Variants in SLC15A5 observed in about 807,000 individuals in gnomAD.
The protein encoded by SLC15A5 is solute carrier family 15 member 5.
SLC15A5 carries 58 observed loss-of-function variants against 56.1 expected under a neutral mutation model. The ratio of observed to expected loss-of-function variants is 1.03; its 90% CI spans 0.84 to 1.29. The LOEUF (loss-of-function observed/expected upper bound fraction) is 1.29. SLC15A5 is among the 50% of genes most tolerant of loss of function. The probability of loss-of-function intolerance (pLI) is 0.00; values close to 1 mark genes in which losing one functional copy is unlikely to be tolerated. For missense variants in SLC15A5, 681 were observed against 672.1 expected (o/e 1.01, Z -0.15); for synonymous variants, 264 against 250.5 (o/e 1.05, Z -0.51).
intron 5 of SLC15A5, among the ~76,000 whole-genome samples, chr12:16,225,744 C>T (rs894133252): frequency 1.3e-5 from 2 of 152,190 alleles, no homozygotes; most frequent in Admixed American, 6.5e-5. Flanking sequence ...ATCAAAACCA[C>T]AATGAGATAT....
intron 2 of SLC15A5, among the ~76,000 whole-genome samples, chr12:16,263,664 G>T (rs866659242): frequency 1.3e-5 from 2 of 152,158 alleles, no homozygotes; most frequent in African/African-American, 4.8e-5. Flanking sequence ...GGCAAAAATG[G>T]TTTTGTGGGC....
chr12:16,273,267 C>T (rs1208179708), intron 1 of SLC15A5, among the ~76,000 whole-genome samples: 5 of 151,912 alleles, frequency 3.3e-5, no homozygotes, highest in Non-Finnish European at 7.4e-5. Flanking sequence ...GAGGAGAACA[C>T]AGCCTTTTTT....
chr12:16,200,183 A>G (rs1441160553), intron 7 of SLC15A5, among the ~76,000 whole-genome samples: 2 of 150,870 alleles, frequency 1.3e-5, no homozygotes, highest in Non-Finnish European at 3.0e-5. Flanking sequence ...AGCTTAAAAT[A>G]ATAATAATAT....
intron 5 of SLC15A5, 48 bp downstream of exon 5, chr12:16,239,633 T>G (rs1328942619): frequency 6.6e-7 from 1 of 1,504,114 alleles, no homozygotes; most frequent in East Asian, 2.5e-5. Flanking sequence ...GAATGTTGTT[T>G]TAAAAAAGTT....
intron 7 of SLC15A5, among the ~76,000 whole-genome samples, chr12:16,209,496 A>T (rs1565658747): frequency 6.6e-6 from 1 of 152,036 alleles, no homozygotes; most frequent in Non-Finnish European, 1.5e-5. Context: ...TCTAACAAAG[A>T]CCTTTTTTTC....
At chr12:16,253,457 A>C in intron 3 of SLC15A5, among the ~76,000 whole-genome samples, 1 of 152,076 alleles carries the variant, frequency 6.6e-6, no homozygotes. Flanking sequence ...ACCTCAAATA[A>C]CCTGTTTAAA....
At position 16,277,334 on chromosome 12, in the gene SLC15A5, G is replaced by A; in HGVS notation, c.352C>T (p.His118Tyr). ...AGCAGAGGACACTCACCTAGAAAAT[G>A]TAGAAACAAGCAAATGTACACCAGT... ...NKLVYICLFL[H>Y]FLGTALLSVV... is the part of the protein sequence containing the mutation. Residue 118 changes from histidine to tyrosine, a missense_variant, in exon 1 of 9, where the codon CAT (histidine) becomes TAT (tyrosine). His to Tyr is a moderately conservative substitution (Grantham distance 83, BLOSUM62 2). Coordinates refer to ENST00000344941, the MANE Select transcript of SLC15A5 (RefSeq NM_001170798.1). 6.6e-7 allele frequency: 1 copy of A among 1,522,712 alleles called. No individual in the cohort carries two copies. Among genetic ancestry groups the A allele is most frequent in the South Asian group, 1.2e-5 (1 of 81,790 alleles). 94.3% of individuals were successfully genotyped at this position (1,522,712 alleles called of 1,614,324 possible).
At position 16,257,837 on chromosome 12, in the gene SLC15A5, A is replaced by G. The variant is rs761410958; in HGVS notation, c.618T>C (p.Ile206=). The G allele has an allele frequency of 6.6e-7, 1 of 1,509,632 alleles. No individual in the cohort carries two copies. The highest frequency in any genetic ancestry group is 1.4e-5 in the African/African-American group (1 of 71,396). The allele number at this position is 1,509,632 out of a possible 1,614,324, so 93.5% of individuals were successfully genotyped here. A position where few individuals can be genotyped will look rare whatever the true frequency, so the allele number is the denominator to read the frequency against. ...FYWLMNLNAT[I]VFLGISYIQH... ...GGATGTAAGATATTCCCAGAAACAC[A>G]ATAGTTGCATTTAGGTTCATGAGCC... Residue 206 remains isoleucine (I), a synonymous_variant, in exon 3 of 9, where the codon ATT becomes ATC. Coordinates refer to ENST00000344941, the MANE Select transcript of SLC15A5 (RefSeq NM_001170798.1).
intron 7 of SLC15A5, among the ~76,000 whole-genome samples, chr12:16,205,839 T>C (rs1296736609): frequency 6.6e-6 from 1 of 151,952 alleles, no homozygotes; most frequent in Non-Finnish European, 1.5e-5. Context: ...ACTGTTTTAT[T>C]TTGAATGTAA....
rs1270769182 is a variant in SLC15A5, at chr12:16,189,671, T to C, written c.1737A>G (p.Leu579=). The stretch of plus-strand genomic sequence containing the variant: ...ACAGGTAGACTCAAACACAGTTTCA[T>C]AGGGCTGTCTCCCAAAGATCAATAC... ...SSSIDLWETA[L] is the part of the protein sequence containing the mutation. Residue 579 remains leucine (L), a synonymous_variant, in exon 9 of 9, where the codon CTA becomes CTG. Coordinates refer to ENST00000344941, the MANE Select transcript of SLC15A5 (RefSeq NM_001170798.1). 2 of 1,501,856 alleles carry C rather than the reference T, an allele frequency of 1.3e-6. No individual in the cohort carries two copies. Among genetic ancestry groups the C allele is most frequent in the African/African-American group, 1.4e-5 (1 of 71,330 alleles). The allele number at this position is 1,501,856 out of a possible 1,614,324, so 93.0% of individuals were successfully genotyped here.
intron 7 of SLC15A5, among the ~76,000 whole-genome samples, chr12:16,207,715 GCAATCTTGGCT>G (rs1864034348): frequency 6.6e-6 from 1 of 151,522 alleles, no homozygotes; most frequent in Non-Finnish European, 1.5e-5. Flanking sequence ...GTGCAGTGGT[GCAATCTTGGCT>G]CACTGCAACC....
rs1163902370 is a variant in SLC15A5, at chr12:16,204,789, A to G, written c.1484-10336T>C. On this transcript the variant is annotated intron_variant, in intron 7 of 8. Transcript: ENST00000344941. The stretch of plus-strand genomic sequence containing the variant: ...ACAACCTATATTAAATACTGTTGTG[A>G]ATGTTGGTTATTTGAAGCAAATAAG... Among the ~76,000 whole-genome samples, 3 of 152,136 alleles carry G rather than the reference A, an allele frequency of 2.0e-5. No homozygotes were observed. The East Asian group carries it at 5.8e-4, about 29-fold the overall frequency.
At chr12:16,236,074 G>A (rs1864349430) in intron 5 of SLC15A5, among the ~76,000 whole-genome samples, 1 of 152,088 alleles carries the variant, frequency 6.6e-6, no homozygotes, top group Admixed American at 6.5e-5. Context: ...CTACTGTGTT[G>A]TACACTTCTG....
rs547539093 is a variant in SLC15A5 at position 16,266,426 on chromosome 12, A to G, written c.584+6135T>C. Among the ~76,000 whole-genome samples the G allele has an allele frequency of 4.6e-5, 7 of 152,320 alleles. No individual in the cohort carries two copies. The South Asian group carries it at 1.2e-3, about 27-fold the overall frequency. On this transcript the variant is annotated intron_variant, in intron 2 of 8. Coordinates refer to ENST00000344941, the MANE Select transcript of SLC15A5 (RefSeq NM_001170798.1). ...AAATTACAACTATTCCAAGACTTAA[A>G]TCTTGTGAAATGTAGTTAGAAACCA...
At chr12:16,229,216 A>G (rs542345475) in intron 5 of SLC15A5, among the ~76,000 whole-genome samples, 1 of 152,354 alleles carries the variant, frequency 6.6e-6, no homozygotes, top group East Asian at 1.9e-4. Context: ...GTTAAGAAGA[A>G]ATCCGTAACT....
chr12:16,212,012 C>G (rs1269526654), intron 7 of SLC15A5, among the ~76,000 whole-genome samples: 1 of 152,168 alleles, frequency 6.6e-6, no homozygotes, highest in Non-Finnish European at 1.5e-5. Context: ...CTCACACACT[C>G]ACATGCACAC....
rs1169198579 is a variant in SLC15A5, at chr12:16,235,066, G to A, written c.1162+4615C>T. Among the ~76,000 whole-genome samples, 2 of 151,822 alleles carry A rather than the reference G, an allele frequency of 1.3e-5. No individual in the cohort carries two copies. Among genetic ancestry groups the A allele is most frequent in the Non-Finnish European group, 1.5e-5 (1 of 67,924 alleles). On this transcript the variant is annotated intron_variant, in intron 5 of 8. Coordinates refer to ENST00000344941, the MANE Select transcript of SLC15A5 (RefSeq NM_001170798.1). This position sits in a 1 kb window ranked among gnomAD's most constrained non-coding sequence, Gnocchi z 4.1. ...TTGCTCAGTGTTAATATATCATTCA[G>A]TGTTCATGAACTACTCTCATAAAGA...
At chr12:16,260,509 T>C (rs1220498032) in intron 2 of SLC15A5, among the ~76,000 whole-genome samples, 3 of 152,042 alleles carry the variant, frequency 2.0e-5, no homozygotes, top group African/African-American at 7.2e-5. Context: ...GGGTAGTTTC[T>C]TTTCCTATCA....
At chr12:16,194,617 A>G (rs1402857353) in intron 7 of SLC15A5, among the ~76,000 whole-genome samples, 164 bp from the exon 8 acceptor site, 2 of 151,596 alleles carry the variant, frequency 1.3e-5, no homozygotes, top group African/African-American at 4.9e-5. Context: ...TTCTGTAATT[A>G]ATAGTAAAAT....
Sources: gnomAD v4.1 joint callset for allele counts (sites outside exome capture counted in the v4.1 genomes callset) on GRCh38, gnomAD v4.1.1 for gene constraint, Gnocchi (gnomAD v3.1) non-coding constraint, MANE v1.5 for transcripts, NCBI Gene and HGNC (gene_info 2026-07-23, HGNC 2026-07-21) for gene names.